Variants in ZCCHC7 observed in about 807,000 individuals in gnomAD.
ZCCHC7 encodes the protein zinc finger CCHC domain-containing protein 7.
A neutral mutation model predicts 52.0 loss-of-function variants in ZCCHC7; 35 were observed. The observed-to-expected ratio is 0.67, with a 90% CI of 0.51 to 0.89. The LOEUF (loss-of-function observed/expected upper bound fraction) is 0.89, where lower values mean the gene tolerates loss of function less well. Among genes scored for constraint, ZCCHC7 ranks in the 40% least tolerant of loss-of-function variants. ZCCHC7 has a pLI of 0.00. For synonymous variants in ZCCHC7, 217 were observed against 221.5 expected (o/e 0.98, Z 0.18); for missense variants, 574 against 649.1 (o/e 0.88, Z 1.26).
intron 2 of ZCCHC7, among the ~76,000 whole-genome samples, chr9:37,165,485 T>G (rs1210715252): frequency 1.3e-5 from 2 of 152,182 alleles, no homozygotes; most frequent in Non-Finnish European, 2.9e-5. Context: ...TGAGGAAATT[T>G]TCTTTGGTTT....
intron 7 of ZCCHC7, among the ~76,000 whole-genome samples, chr9:37,352,620 G>A (rs370949753): frequency 6.9e-5 from 10 of 144,080 alleles, no homozygotes; most frequent in African/African-American, 2.6e-4. Context: ...CTAGGTTCAA[G>A]CTATTCCTAC....
intron 2 of ZCCHC7, among the ~76,000 whole-genome samples, chr9:37,297,351 A>G (rs1219016810): frequency 6.6e-6 from 1 of 152,174 alleles, no homozygotes; most frequent in Non-Finnish European, 1.5e-5. Flanking sequence ...TCTGTCTCCA[A>G]AAATGTCTTT....
At chr9:37,127,649 A>G (rs1479552052) in intron 2 of ZCCHC7, among the ~76,000 whole-genome samples, 2 of 152,142 alleles carry the variant, frequency 1.3e-5, no homozygotes, top group African/African-American at 4.8e-5. Context: ...CTCTTGCACT[A>G]GTTTCCTAAG....
chr9:37,208,066 C>T (rs1824016699), intron 2 of ZCCHC7, among the ~76,000 whole-genome samples: 3 of 151,972 alleles, frequency 2.0e-5, no homozygotes, highest in Admixed American at 2.0e-4. Context: ...CCTGGTTTCT[C>T]CAGTGTATTT....
chr9:37,327,131 T>G (rs531713140), intron 5 of ZCCHC7: 1 of 152,246 alleles, frequency 6.6e-6, no homozygotes, highest in East Asian at 1.9e-4. Context: ...GTTTGGTTGG[T>G]TCTTTTGTTG....
intron 2 of ZCCHC7, among the ~76,000 whole-genome samples, chr9:37,223,037 A>G (rs748358598): frequency 1.3e-5 from 2 of 152,142 alleles, no homozygotes; most frequent in African/African-American, 2.4e-5. Context: ...GTATATGGCT[A>G]TGAGTTTTAG....
chr9:37,289,058 A>G (rs1333049064), intron 2 of ZCCHC7, among the ~76,000 whole-genome samples: 3 of 151,860 alleles, frequency 2.0e-5, no homozygotes, highest in Non-Finnish European at 4.4e-5. Flanking sequence ...CCCTCAAAAC[A>G]TGTTCCTCTG....
At chr9:37,152,901 A>T (rs1040123304) in intron 2 of ZCCHC7, among the ~76,000 whole-genome samples, 1 of 152,178 alleles carries the variant, frequency 6.6e-6, no homozygotes, top group Non-Finnish European at 1.5e-5. Flanking sequence ...AGGGTGAAAT[A>T]TCTATAAAAA....
intron 2 of ZCCHC7, among the ~76,000 whole-genome samples, chr9:37,294,574 A>C (rs2133652061): frequency 6.6e-6 from 1 of 152,308 alleles, no homozygotes; most frequent in Middle Eastern, 3.4e-3. Flanking sequence ...CAGAAATTGT[A>C]AGTTTTTTCC....
intron 5 of ZCCHC7, among the ~76,000 whole-genome samples, chr9:37,318,079 G>C (rs1207061237): frequency 6.6e-6 from 1 of 151,962 alleles, no homozygotes; most frequent in Non-Finnish European, 1.5e-5. Flanking sequence ...TAGTTGCAAA[G>C]ATATAGCTAT....
At chr9:37,356,243 G>T (rs894713671) in intron 8 of ZCCHC7, among the ~76,000 whole-genome samples, 1 of 151,940 alleles carries the variant, frequency 6.6e-6, no homozygotes, top group Admixed American at 6.6e-5. Flanking sequence ...TCAGAGATCC[G>T]TATTAAGCGT....
intron 2 of ZCCHC7, among the ~76,000 whole-genome samples, chr9:37,239,164 T>C (rs1370613115): frequency 6.6e-6 from 1 of 152,176 alleles, no homozygotes; most frequent in African/African-American, 2.4e-5. Flanking sequence ...TAGGTCATTG[T>C]GTTATTATTG....
chr9:37,254,809 G>A (rs539884717), intron 2 of ZCCHC7, among the ~76,000 whole-genome samples: 106 of 135,474 alleles, frequency 7.8e-4, no homozygotes, highest in Non-Finnish European at 1.3e-3. Flanking sequence ...CATTTCCTTT[G>A]AGTGCCATGT....
intron 2 of ZCCHC7, among the ~76,000 whole-genome samples, chr9:37,214,581 CAA>C (rs1824407197): frequency 6.6e-6 from 1 of 152,022 alleles, no homozygotes; most frequent in Admixed American, 6.6e-5. Flanking sequence ...TATATAGTAA[CAA>C]TGCCTCTGTG....
At chr9:37,293,645 A>G (rs1196658632) in intron 2 of ZCCHC7, among the ~76,000 whole-genome samples, 2 of 152,170 alleles carry the variant, frequency 1.3e-5, no homozygotes, top group African/African-American at 4.8e-5. Context: ...TAATCTTGTT[A>G]TATTGACTGT....
At chr9:37,259,711 A>T (rs1191770772) in intron 2 of ZCCHC7, among the ~76,000 whole-genome samples, 1 of 151,918 alleles carries the variant, frequency 6.6e-6, no homozygotes, top group East Asian at 1.9e-4. Flanking sequence ...AGATTTATAC[A>T]GGGGTATTTA....
rs1455580690 is a variant in ZCCHC7 at position 37,357,914 on chromosome 9, A to G, written c.*646A>G. The G allele has an allele frequency of 6.6e-6, 1 of 152,118 alleles. No individual in the cohort carries two copies. Among genetic ancestry groups the G allele is most frequent in the Non-Finnish European group, 1.5e-5 (1 of 68,032 alleles). 9.4% of individuals were successfully genotyped at this position (152,118 alleles called of 1,614,324 possible). ...CAGATTTCCTAAACAAGTAAAAGAG[A>G]CATCAAAAATTTTAACATAATCACA... On this transcript the variant is annotated 3_prime_UTR_variant, in exon 9 of 9. Transcript: ENST00000336755.
chr9:37,194,545 G>A (rs909004364), intron 2 of ZCCHC7, among the ~76,000 whole-genome samples: 5 of 152,170 alleles, frequency 3.3e-5, no homozygotes, highest in African/African-American at 9.7e-5. Context: ...GCACTGGGAG[G>A]ATTGGGATAG....
At position 37,227,749 on chromosome 9, in the gene ZCCHC7, A is replaced by G. The variant is rs552672901; in HGVS notation, c.611-74439A>G. The stretch of plus-strand genomic sequence containing the variant: ...ATTTATCAATTTAAAGGAACAAATT[A>G]CTGATGCATTCCACAACATGGAGGA... On this transcript the variant is annotated intron_variant, in intron 2 of 8. Coordinates refer to ENST00000336755, the MANE Select transcript of ZCCHC7 (RefSeq NM_032226.3). Among the ~76,000 whole-genome samples, 8 of 152,360 alleles carry G rather than the reference A, an allele frequency of 5.3e-5. No homozygotes were observed. The South Asian group carries it at 1.7e-3, about 32-fold the overall frequency.
Sources: gnomAD v4.1 joint callset for allele counts (sites outside exome capture counted in the v4.1 genomes callset) on GRCh38, gnomAD v4.1.1 for gene constraint, MANE v1.5 for transcripts, NCBI Gene and HGNC (gene_info 2026-07-23, HGNC 2026-07-21) for gene names.